Variants in GRAP2 observed in about 807,000 individuals in gnomAD.
The protein encoded by GRAP2 is GRB2 related adaptor protein 2, also known as GRB2-related adapter protein 2.
A neutral mutation model predicts 43.5 loss-of-function variants in GRAP2; 31 were observed. The ratio of observed to expected loss-of-function variants is 0.71; its 90% CI spans 0.54 to 0.96. GRAP2 has a LOEUF of 0.96. GRAP2 is among the 40% of genes least tolerant of loss of function. The pLI, the probability that GRAP2 is intolerant of heterozygous loss-of-function variation, is 0.00. For synonymous variants in GRAP2, 156 were observed against 164.8 expected, an observed-to-expected ratio of 0.95 and a Z score of 0.41; for missense variants, 371 against 424.4, an observed-to-expected ratio of 0.87 and a Z score of 1.11.
chr22:39,967,764 C>A (rs540453567), intron 5 of GRAP2, among the ~76,000 whole-genome samples: 1 of 152,132 alleles, frequency 6.6e-6, no homozygotes, highest in African/African-American at 2.4e-5. Context: ...AGAGAAAAAA[C>A]GAGCGCCCTG....
chr22:39,949,342 T>C (rs1470585657), intron 2 of GRAP2, among the ~76,000 whole-genome samples: 1 of 152,188 alleles, frequency 6.6e-6, no homozygotes, highest in African/African-American at 2.4e-5. Flanking sequence ...GCAGGCATGA[T>C]TTCATCATCT....
Position 39,967,909 on chromosome 22 carries a change from T to C in GRAP2, c.460-133T>C, listed in dbSNP as rs893621818. ...AAGGTCTAAAGCATCAATTATCTTT[T>C]AGCTGCCCCCACCCCACCAGCTATT... On this transcript the variant is annotated intron_variant, in intron 5 of 7. Coordinates refer to ENST00000344138, the MANE Select transcript of GRAP2 (RefSeq NM_004810.4). 1.2e-5 allele frequency: 14 copies of C among 1,160,856 alleles called. No homozygotes were observed. In the South Asian group the frequency reaches 2.2e-4, roughly 18 times the overall value. 71.9% of individuals were successfully genotyped at this position (1,160,856 alleles called of 1,614,324 possible).
upstream of GRAP2, among the ~76,000 whole-genome samples, chr22:39,896,263 GAATCTCCACTCTGTTCACT>G (rs1804655889): frequency 6.6e-6 from 1 of 152,178 alleles, no homozygotes; most frequent in Non-Finnish European, 1.5e-5. Context: ...GGCATAGTGT[GAATCTCCACTCTGTTCACT>G]CTCCTCACAC....
intron 1 of GRAP2, among the ~76,000 whole-genome samples, chr22:39,902,636 T>G (rs1224965464): frequency 1.3e-5 from 2 of 152,132 alleles, no homozygotes; most frequent in Non-Finnish European, 2.9e-5. Flanking sequence ...TTGTAATAGA[T>G]TTTATCTTTT....
chr22:39,921,468 A>G (rs1005793264), intron 1 of GRAP2, among the ~76,000 whole-genome samples: 4 of 152,248 alleles, frequency 2.6e-5, no homozygotes, highest in Admixed American at 1.3e-4. Context: ...GCAGGAAACC[A>G]TTCAATTCCT....
At chr22:39,905,286 C>T (rs768079182) in intron 1 of GRAP2, among the ~76,000 whole-genome samples, 7 of 152,060 alleles carry the variant, frequency 4.6e-5, no homozygotes, top group East Asian at 1.9e-4. Flanking sequence ...ATTTTTAATA[C>T]GCTTTGAAGA....
intron 4 of GRAP2, 39 bp from the exon 5 acceptor site, chr22:39,965,951 A>C: frequency 6.4e-7 from 1 of 1,561,138 alleles, no homozygotes; most frequent in Non-Finnish European, 8.8e-7. Flanking sequence ...TGACATTATC[A>C]CCGTGTAACA....
intron 1 of GRAP2, 166 bp from the exon 2 acceptor site, chr22:39,946,927 C>T (rs547077302): frequency 1.9e-5 from 11 of 580,222 alleles, no homozygotes; most frequent in Middle Eastern, 4.6e-4. Flanking sequence ...TCCGGCAGCT[C>T]TTCCTGCAAA....
At chr22:39,937,542 C>T (rs1471013700) in intron 1 of GRAP2, among the ~76,000 whole-genome samples, 1 of 152,194 alleles carries the variant, frequency 6.6e-6, no homozygotes, top group African/African-American at 2.4e-5. Context: ...GGTGGCCTTA[C>T]ACTTTGTAGA....
intron 5 of GRAP2, among the ~76,000 whole-genome samples, chr22:39,967,518 G>A (rs1257197282): frequency 1.3e-5 from 2 of 152,166 alleles, no homozygotes; most frequent in Non-Finnish European, 2.9e-5. Flanking sequence ...GTAACATTAG[G>A]GAAAAAGGCC....
intron 1 of GRAP2, among the ~76,000 whole-genome samples, chr22:39,920,835 C>CA (rs571387557): frequency 2.7e-4 from 40 of 147,772 alleles, no homozygotes; most frequent in Non-Finnish European, 5.4e-4. Context: ...CCCTGACAGC[C>CA]AAAAAAAAAG....
At chr22:39,930,920 A>G (rs2066749474) in intron 1 of GRAP2, among the ~76,000 whole-genome samples, 1 of 152,122 alleles carries the variant, frequency 6.6e-6, no homozygotes, top group Non-Finnish European at 1.5e-5. Flanking sequence ...CTCATTTGGG[A>G]AGCTTCCACT....
Position 39,901,193 on chromosome 22 carries a change from G to A in GRAP2, c.-152G>A. 1.3e-6 allele frequency: 1 copy of A among 753,720 alleles called. No homozygotes were observed. Among genetic ancestry groups the A allele is most frequent in the Non-Finnish European group, 2.0e-6 (1 of 499,750 alleles). 46.7% of individuals were successfully genotyped at this position (753,720 alleles called of 1,614,324 possible). ...GCACCCTCTTTCAGAGTGGTACATG[G>A]AAGACAGCACAAAGTGGATCCATAC... On this transcript the variant is annotated 5_prime_UTR_variant, in exon 1 of 8. Transcript: ENST00000344138.
chr22:39,905,817 T>C (rs569834332), intron 1 of GRAP2, among the ~76,000 whole-genome samples: 8 of 152,294 alleles, frequency 5.3e-5, no homozygotes, highest in African/African-American at 1.7e-4. Context: ...GAGCACTCTC[T>C]CTGATGATGG....
intron 1 of GRAP2, among the ~76,000 whole-genome samples, chr22:39,924,991 G>A (rs971081402): frequency 6.6e-6 from 1 of 152,236 alleles, no homozygotes; most frequent in African/African-American, 2.4e-5. Context: ...AGAGTCAGGA[G>A]CTAGAGTGAG....
At chr22:39,952,697 A>G (rs2066999333) in intron 2 of GRAP2, among the ~76,000 whole-genome samples, 1 of 152,234 alleles carries the variant, frequency 6.6e-6, no homozygotes, top group African/African-American at 2.4e-5. Context: ...TTATTCCTTC[A>G]GAATAAATGA....
Position 39,960,084 on chromosome 22 carries a change from A to T in GRAP2, c.200A>T (p.Gln67Leu). 6.2e-7 allele frequency: 1 copy of T among 1,612,976 alleles called. No individual in the cohort carries two copies. The highest frequency in any genetic ancestry group is 8.5e-7 in the Non-Finnish European group (1 of 1,178,906). The change falls in exon 4 of 8, where the codon CAG becomes CTG. Residue 67 changes from glutamine to leucine, a missense_variant. By Grantham distance (113) the Gln-to-Leu change is moderately radical. Transcript: ENST00000344138. ...TTTCACGAAGGCCTCTCTCGACACC[A>T]GGCAGAGAACTTACTCATGGGCAAG... ...KWFHEGLSRH[Q>L]AENLLMGKEV...
intron 2 of GRAP2, chr22:39,948,450 C>T (rs187822259): frequency 7.9e-5 from 12 of 152,024 alleles, no homozygotes; most frequent in Admixed American, 7.9e-4. Flanking sequence ...GTACCAACTT[C>T]CACCCTCGTC....
At chr22:39,914,144 T>C (rs2066586632) in intron 1 of GRAP2, among the ~76,000 whole-genome samples, 2 of 152,122 alleles carry the variant, frequency 1.3e-5, no homozygotes, top group Admixed American at 1.3e-4. Flanking sequence ...ATTTGTTAAA[T>C]AAAAGCTGTG....
Sources: gnomAD v4.1 joint callset for allele counts (sites outside exome capture counted in the v4.1 genomes callset) on GRCh38, gnomAD v4.1.1 for gene constraint, MANE v1.5 for transcripts, NCBI Gene and HGNC (gene_info 2026-07-23, HGNC 2026-07-21) for gene names.